The following CAST variants were observed in gnomAD, a reference collection of about 807,000 sequenced individuals.
CAST encodes MIR583 host.
A neutral mutation model predicts 119.6 loss-of-function variants in CAST; 76 were observed. The ratio of observed to expected loss-of-function variants is 0.64; its 90% CI spans 0.53 to 0.77. The LOEUF (loss-of-function observed/expected upper bound fraction) is 0.77, where lower values mean the gene tolerates loss of function less well. CAST is among the 30% of genes least tolerant of loss of function. CAST has a pLI of 0.00. For missense variants in CAST, 953 were observed against 946.5 expected (o/e 1.01, Z -0.09); for synonymous variants, 319 against 331.6 (o/e 0.96, Z 0.41).
At chr5:96,390,741 A>G in the CAST span, 1 of 152,684 alleles carries the variant, frequency 6.5e-6, no homozygotes, top group Non-Finnish European at 1.5e-5. Context: ...GAAATAGTAT[A>G]TAAGTTTTCT....
chr5:96,520,755 G>T (rs56026556), upstream of CAST, among the ~76,000 whole-genome samples: 57,604 of 152,000 alleles, frequency 0.38, 11,205 homozygotes, highest in East Asian at 0.56. Flanking sequence ...GAAATTCGTA[G>T]TTCTTTGTCA....
the CAST span, among the ~76,000 whole-genome samples, chr5:96,310,106 T>C: frequency 2.0e-5 from 3 of 152,248 alleles, no homozygotes; most frequent in African/African-American, 7.2e-5. Flanking sequence ...TGTTATTCCA[T>C]AGCTAATTTG....
the CAST span, among the ~76,000 whole-genome samples, chr5:96,362,965 C>T: frequency 2.0e-5 from 3 of 151,998 alleles, no homozygotes; most frequent in Non-Finnish European, 4.4e-5. Flanking sequence ...TTTATGATTT[C>T]AGGTCTAACA....
At chr5:96,754,416 C>T (rs1765836984) in intron 21 of CAST, among the ~76,000 whole-genome samples, 1 of 152,178 alleles carries the variant, frequency 6.6e-6, no homozygotes, top group Non-Finnish European at 1.5e-5. Flanking sequence ...ATTGACATTG[C>T]TGGGACTTGG....
the CAST span, among the ~76,000 whole-genome samples, chr5:96,517,856 G>C: frequency 6.6e-6 from 1 of 152,198 alleles, no homozygotes; most frequent in South Asian, 2.1e-4. Context: ...AATAATGACA[G>C]CATGTCTTTA....
chr5:96,474,577 G>A, the CAST span, among the ~76,000 whole-genome samples: 45 of 152,298 alleles, frequency 3.0e-4, no homozygotes, highest in African/African-American at 9.9e-4. Context: ...CGAGGCCTCA[G>A]ATGCTGAGCA....
At chr5:96,190,987 T>C in the CAST span, among the ~76,000 whole-genome samples, 1 of 152,238 alleles carries the variant, frequency 6.6e-6, no homozygotes, top group Non-Finnish European at 1.5e-5. Context: ...GGTATTTGGT[T>C]TTCTGTTCCT....
At chr5:96,164,996 A>G in the CAST span, among the ~76,000 whole-genome samples, 667 of 152,184 alleles carry the variant, frequency 4.4e-3, 5 homozygotes, top group African/African-American at 0.015. Flanking sequence ...AGATGGTTAT[A>G]TACATTATTC....
At chr5:96,301,319 G>T in the CAST span, among the ~76,000 whole-genome samples, 2 of 152,052 alleles carry the variant, frequency 1.3e-5, no homozygotes, top group East Asian at 3.9e-4. Flanking sequence ...CAACATTGAG[G>T]ATTACAATTT....
At chr5:96,371,967 C>T in the CAST span, among the ~76,000 whole-genome samples, 1 of 152,140 alleles carries the variant, frequency 6.6e-6, no homozygotes, top group African/African-American at 2.4e-5. Context: ...CTGATTTTTC[C>T]TTCCAATAAT....
rs555315846 is a variant in CAST at position 96,700,175 on chromosome 5, G to A, written c.210+4268G>A. Reference sequence around the variant, plus strand: ...TCAGCCCACAGTACCCTCCTACCACGTGTGGTTTGTGAGATGACTGTGTGT... The same window carrying A: ...TCAGCCCACAGTACCCTCCTACCACATGTGGTTTGTGAGATGACTGTGTGT... On this transcript the variant is annotated intron_variant, in intron 3 of 31. Coordinates refer to ENST00000675179, the MANE Select transcript of CAST (RefSeq NM_001750.7). Among the ~76,000 whole-genome samples, 47 of 152,234 alleles carry A rather than the reference G, an allele frequency of 3.1e-4. 1 individual carries two copies. In the South Asian group the frequency reaches 3.3e-3, roughly 11 times the overall value.
intron 1 of CAST, among the ~76,000 whole-genome samples, chr5:96,636,414 A>G (rs962692797): frequency 1.3e-5 from 2 of 152,160 alleles, no homozygotes; most frequent in East Asian, 1.9e-4. Flanking sequence ...TCAAAAATCT[A>G]TTTAAATACA....
chr5:96,049,232 A>G, the CAST span, among the ~76,000 whole-genome samples: 2 of 152,210 alleles, frequency 1.3e-5, no homozygotes, highest in African/African-American at 4.8e-5. Context: ...TGATTTTAAA[A>G]AAAGAAGAGC....
the CAST span, among the ~76,000 whole-genome samples, chr5:95,994,757 A>G: frequency 1.3e-5 from 2 of 152,266 alleles, no homozygotes; most frequent in African/African-American, 4.8e-5. Flanking sequence ...GCAGTTGAGC[A>G]CTAAATTTAG....
At chr5:96,075,162 T>C in the CAST span, among the ~76,000 whole-genome samples, 7 of 152,222 alleles carry the variant, frequency 4.6e-5, no homozygotes, top group Non-Finnish European at 1.0e-4. Context: ...CTAATATATG[T>C]TCGTCTTTTA....
At chr5:96,480,694 A>AT in the CAST span, among the ~76,000 whole-genome samples, 1 of 152,188 alleles carries the variant, frequency 6.6e-6, no homozygotes. Context: ...AGTGGTTTAA[A>AT]AGGTTGGAGG....
At chr5:96,688,957 T>C (rs1030664832) in intron 2 of CAST, among the ~76,000 whole-genome samples, 1 of 152,148 alleles carries the variant, frequency 6.6e-6, no homozygotes, top group Non-Finnish European at 1.5e-5. Flanking sequence ...AGAGCAAGGC[T>C]GCTGCTGCTG....
chr5:96,156,057 G>A, the CAST span, among the ~76,000 whole-genome samples: 2 of 152,218 alleles, frequency 1.3e-5, no homozygotes, highest in African/African-American at 4.8e-5. Flanking sequence ...ATTTTCAAGT[G>A]TATTTTATAT....
chr5:96,443,842 A>G, the CAST span, among the ~76,000 whole-genome samples: 12 of 152,204 alleles, frequency 7.9e-5, no homozygotes, highest in Non-Finnish European at 1.6e-4. Flanking sequence ...AGAGAATTTT[A>G]AGAATACTTT....
Sources: allele counts gnomAD v4.1 joint callset (sites outside exome capture counted in the v4.1 genomes callset), GRCh38; gene constraint gnomAD v4.1.1; transcripts MANE v1.5; gene names NCBI Gene and HGNC (gene_info 2026-07-23, HGNC 2026-07-21).